The following GSG1L variants were observed in gnomAD, a reference collection of about 807,000 sequenced individuals.
The protein encoded by GSG1L is germ cell-specific gene 1-like protein.
In GSG1L, 24 loss-of-function variants were observed where a neutral mutation model predicts 42.1. That is an observed-to-expected ratio of 0.57 (90% CI 0.41 to 0.80). The LOEUF (loss-of-function observed/expected upper bound fraction) is 0.80. Ranked by LOEUF, GSG1L falls within the 30% of genes least tolerant of loss-of-function variation. The pLI, the probability that GSG1L is intolerant of heterozygous loss-of-function variation, is 0.00. For synonymous variants in GSG1L, 215 were observed against 203.5 expected (o/e 1.06, Z -0.48); for missense variants, 445 against 472.2 (o/e 0.94, Z 0.53).
At chr16:27,867,757 G>A (rs1210143116) in intron 3 of GSG1L, among the ~76,000 whole-genome samples, 1 of 152,006 alleles carries the variant, frequency 6.6e-6, no homozygotes, top group Non-Finnish European at 1.5e-5. Context: ...GAGGATCTCC[G>A]GCGGCCCCAC....
intron 2 of GSG1L, among the ~76,000 whole-genome samples, chr16:27,923,105 A>G (rs1596616209): frequency 6.6e-6 from 1 of 152,124 alleles, no homozygotes; most frequent in Non-Finnish European, 1.5e-5. Context: ...TAAACATACT[A>G]TTTGCATGAA....
At chr16:27,859,841 A>ATTTTTT (rs576791634) in intron 3 of GSG1L, among the ~76,000 whole-genome samples, 3 of 141,798 alleles carry the variant, frequency 2.1e-5, no homozygotes, top group African/African-American at 7.8e-5. Flanking sequence ...ATGCCCAGCT[A>ATTTTTT]TTTTTTTTTT....
chr16:27,815,084 C>T (rs1009104425), intron 5 of GSG1L, among the ~76,000 whole-genome samples: 3 of 152,092 alleles, frequency 2.0e-5, no homozygotes, highest in Non-Finnish European at 2.9e-5. Flanking sequence ...CATGAGCCAT[C>T]GCACCCAACC....
At position 27,796,569 on chromosome 16, in the gene GSG1L, C is replaced by T. The variant is rs111419123; in HGVS notation, c.899-5102G>A. 6.4e-3 allele frequency among the ~76,000 whole-genome samples: 968 copies of T among 152,278 alleles called. 6 individuals are homozygous for T. The highest frequency in any genetic ancestry group is 0.018 in the African/African-American group (748 of 41,540). On this transcript the variant is annotated intron_variant, in intron 6 of 6. Transcript: ENST00000447459. ...GGTCCCAGGCACAGCGTTGAAAGCA[C>T]GTGTCTGCAGAATGAGTGAACGGTG...
At chr16:27,890,002 T>C (rs997366194) in intron 2 of GSG1L, among the ~76,000 whole-genome samples, 7 of 152,174 alleles carry the variant, frequency 4.6e-5, no homozygotes, top group Non-Finnish European at 8.8e-5. Flanking sequence ...TGGCATAGTC[T>C]AGATTCAAAC....
intron 1 of GSG1L, among the ~76,000 whole-genome samples, chr16:28,054,834 A>G (rs2141198422): frequency 6.6e-6 from 1 of 152,186 alleles, no homozygotes; most frequent in South Asian, 2.1e-4. Flanking sequence ...TTAAAAAAAA[A>G]TGGATTTGCT....
In GSG1L at chr16:27,799,233, CA is replaced by C. The variant is rs5816445; in HGVS notation, c.899-7767del. Among the ~76,000 whole-genome samples, 409 of 133,426 alleles carry C rather than the reference CA, an allele frequency of 3.1e-3. 2 individuals carry two copies. Among genetic ancestry groups the C allele is most frequent in the Admixed American group, 5.0e-3 (66 of 13,238 alleles). 87.5% of individuals were successfully genotyped at this position (133,426 alleles called of 152,430 possible). The stretch of plus-strand genomic sequence containing the variant: ...GGCCTGGGCAAGACCCCATATCTAC[CA>C]AAAAAAAAAAAAAAATTAACTGGGC... On this transcript the variant is annotated intron_variant, in intron 6 of 6. Coordinates refer to ENST00000447459, the MANE Select transcript of GSG1L (RefSeq NM_001109763.2).
chr16:27,964,821 G>A lies in GSG1L; in HGVS notation c.350-1618C>T, dbSNP rs1268146589. Among the ~76,000 whole-genome samples, 3 of 152,044 alleles carry A rather than the reference G, an allele frequency of 2.0e-5. No individual in the cohort carries two copies. The East Asian group carries it at 5.8e-4, about 29-fold the overall frequency. On this transcript the variant is annotated intron_variant, in intron 1 of 6. Transcript: ENST00000447459. ...GGGGAGCAGTGGGGATGCTTAACAG[G>A]TACAAAAAATAGTTAGAAAGAATGA...
chr16:27,981,167 C>T (rs1179907169), intron 1 of GSG1L, among the ~76,000 whole-genome samples: 1 of 152,164 alleles, frequency 6.6e-6, no homozygotes, highest in Non-Finnish European at 1.5e-5. Flanking sequence ...GCCTTCCAGA[C>T]GTGCCCAGCG....
chr16:27,866,892 C>T (rs1338597106), intron 3 of GSG1L, among the ~76,000 whole-genome samples: 4 of 152,088 alleles, frequency 2.6e-5, no homozygotes, highest in African/African-American at 9.7e-5. Context: ...CTTTTCTAGA[C>T]CTACAATGGA....
chr16:27,924,407 TAA>T (rs899666291), intron 2 of GSG1L, among the ~76,000 whole-genome samples: 1 of 152,230 alleles, frequency 6.6e-6, no homozygotes, highest in Non-Finnish European at 1.5e-5. Flanking sequence ...TATTATTTTC[TAA>T]AAAGTATTTT....
chr16:27,799,883 C>A (rs894059868), intron 6 of GSG1L, among the ~76,000 whole-genome samples: 1 of 152,162 alleles, frequency 6.6e-6, no homozygotes, highest in African/African-American at 2.4e-5. Flanking sequence ...CTGGCAGTAG[C>A]TTCAAAGGGA....
chr16:27,938,064 T>C (rs1051854380), intron 2 of GSG1L, among the ~76,000 whole-genome samples: 10 of 152,048 alleles, frequency 6.6e-5, no homozygotes, highest in African/African-American at 2.4e-4. Flanking sequence ...ATTGGTCCAG[T>C]TGGAGCCGGG....
chr16:28,004,885 C>G (rs1407909986), intron 1 of GSG1L, among the ~76,000 whole-genome samples: 1 of 152,128 alleles, frequency 6.6e-6, no homozygotes, highest in African/African-American at 2.4e-5. Context: ...ACAACAAAAA[C>G]AGCCAGAGAG....
At chr16:27,924,466 G>A (rs2084568172) in intron 2 of GSG1L, among the ~76,000 whole-genome samples, 1 of 152,050 alleles carries the variant, frequency 6.6e-6, no homozygotes, top group African/African-American at 2.4e-5. Flanking sequence ...ATCATGCAGG[G>A]CCTACAGTTT....
chr16:27,937,118 C>T (rs553941472), intron 2 of GSG1L, among the ~76,000 whole-genome samples: 5 of 152,344 alleles, frequency 3.3e-5, no homozygotes, highest in East Asian at 1.9e-4. Flanking sequence ...TCCAGCAGGG[C>T]GTCTGCTCCT....
intron 3 of GSG1L, among the ~76,000 whole-genome samples, chr16:27,878,694 C>A (rs1482871449): frequency 6.6e-6 from 1 of 152,214 alleles, no homozygotes; most frequent in African/African-American, 2.4e-5. Flanking sequence ...CCTTCAGCCT[C>A]CCAAAGTGCT....
At chr16:28,002,696 C>T (rs772976733) in intron 1 of GSG1L, among the ~76,000 whole-genome samples, 25 of 151,632 alleles carry the variant, frequency 1.6e-4, no homozygotes, top group Admixed American at 3.3e-4. Context: ...TTTGGGAGGC[C>T]GAGGCGGGAG....
At chr16:27,869,791 CTCTT>C (rs576352085) in intron 3 of GSG1L, among the ~76,000 whole-genome samples, 8 of 145,776 alleles carry the variant, frequency 5.5e-5, no homozygotes, top group South Asian at 4.6e-4. Flanking sequence ...CTCTCCTTCT[CTCTT>C]TGTCTCTGTC....
Sources: gnomAD v4.1 joint callset for allele counts (sites outside exome capture counted in the v4.1 genomes callset) on GRCh38, gnomAD v4.1.1 for gene constraint, MANE v1.5 for transcripts, NCBI Gene and HGNC (gene_info 2026-07-23, HGNC 2026-07-21) for gene names.